The following KIF6 variants were observed in gnomAD, a reference collection of about 807,000 sequenced individuals.
KIF6 encodes the protein kinesin family member 6, also known as kinesin-like protein KIF6.
Under a neutral mutation model 112.7 loss-of-function variants are expected in KIF6, and 106 were observed. The observed-to-expected ratio is 0.94, with a 90% CI of 0.80 to 1.11. The LOEUF is 1.11. Ranked by LOEUF, KIF6 falls within the 50% of genes least tolerant of loss-of-function variation. The pLI is 0.00. For synonymous variants in KIF6, 339 were observed against 339.9 expected (o/e 1.00, Z 0.03); for missense variants, 929 against 964.0 (o/e 0.96, Z 0.48).
chr6:39,570,135 T>C (rs1780563880), intron 10 of KIF6, among the ~76,000 whole-genome samples: 1 of 152,220 alleles, frequency 6.6e-6, no homozygotes. Context: ...CTATATTTAG[T>C]CTTAAATTAT....
chr6:39,722,374 T>C (rs1219900249), intron 1 of KIF6, among the ~76,000 whole-genome samples: 3 of 152,234 alleles, frequency 2.0e-5, no homozygotes, highest in Non-Finnish European at 4.4e-5. Flanking sequence ...TAGTGTAATA[T>C]TGGCTTTCTA....
At chr6:39,461,059 T>C (rs905403461) in intron 13 of KIF6, among the ~76,000 whole-genome samples, 2 of 152,206 alleles carry the variant, frequency 1.3e-5, no homozygotes, top group Non-Finnish European at 2.9e-5. Context: ...TTTATGAAAG[T>C]AAGCACGCAT....
intron 5 of KIF6, among the ~76,000 whole-genome samples, chr6:39,619,481 A>G (rs543400078): frequency 6.6e-6 from 1 of 152,308 alleles, no homozygotes; most frequent in East Asian, 1.9e-4. Context: ...TAACCAATGG[A>G]TAAAGTCATT....
At chr6:39,553,013 T>C (rs1779472828) in intron 10 of KIF6, among the ~76,000 whole-genome samples, 1 of 152,212 alleles carries the variant, frequency 6.6e-6, no homozygotes, top group Admixed American at 6.5e-5. Context: ...GGTCATTAGT[T>C]TCATGTTTGC....
chr6:39,593,381 T>C (rs1561845423), intron 7 of KIF6, among the ~76,000 whole-genome samples: 2 of 152,200 alleles, frequency 1.3e-5, no homozygotes. Context: ...TTTTCTCTTC[T>C]TTCTGTGTGA....
intron 13 of KIF6, among the ~76,000 whole-genome samples, chr6:39,538,865 C>T (rs1386112077): frequency 6.7e-6 from 1 of 149,908 alleles, no homozygotes; most frequent in Non-Finnish European, 1.5e-5. Context: ...GGCACATATA[C>T]ACTATGGAAT....
In KIF6 at chr6:39,342,594, GTTTTTTATTT is replaced by G. The variant is rs67266170; in HGVS notation, c.2428+1105_2428+1114del. Among the ~76,000 whole-genome samples, 1,211 of 124,358 alleles carry G rather than the reference GTTTTTTATTT, an allele frequency of 9.7e-3. 38 individuals are homozygous for G. Among genetic ancestry groups the G allele is most frequent in the African/African-American group, 0.036 (832 of 22,860 alleles). 81.6% of individuals were successfully genotyped at this position (124,358 alleles called of 152,430 possible). ...GGGGACTTGGAGATCACTGAATCCAGTTTTTTATTTTTTTTTATTTTTTTTTATTTTTTTT... is the reference window on the plus strand; with the variant it reads ...GGGGACTTGGAGATCACTGAATCCAGTTTTTTATTTTTTTTTATTTTTTTT... On this transcript the variant is annotated intron_variant, in intron 22 of 22. Coordinates refer to ENST00000287152, the MANE Select transcript of KIF6 (RefSeq NM_145027.6). The surrounding 1 kb of genome is among the most constrained non-coding windows in gnomAD (Gnocchi z 4.7).
chr6:39,510,419 A>G lies in KIF6; in HGVS notation c.1645+29584T>C, dbSNP rs141918599. 3.5e-4 allele frequency among the ~76,000 whole-genome samples: 53 copies of G among 152,236 alleles called. No homozygotes were observed. The East Asian group carries it at 0.01, about 29-fold the overall frequency. On this transcript the variant is annotated intron_variant, in intron 13 of 22. Coordinates refer to ENST00000287152, the MANE Select transcript of KIF6 (RefSeq NM_145027.6). ...ACATTCTTAAAGCAAAGAATTTTCA[A>G]CCCAGAATTTCATATCCAGCCAAAC... is the stretch of plus-strand genomic sequence containing the variant.
intron 18 of KIF6, among the ~76,000 whole-genome samples, chr6:39,358,435 T>C (rs2150253527): frequency 6.6e-6 from 1 of 152,352 alleles, no homozygotes; most frequent in East Asian, 1.9e-4. Context: ...TGGTCCCTTT[T>C]GTTTCAGTGA....
chr6:39,604,843 A>G (rs967322414), intron 6 of KIF6, among the ~76,000 whole-genome samples: 2 of 152,038 alleles, frequency 1.3e-5, no homozygotes, highest in Admixed American at 1.3e-4. Context: ...TTACATCCTC[A>G]AAGATCTATT....
chr6:39,685,486 T>C (rs528455824), intron 3 of KIF6, among the ~76,000 whole-genome samples: 3 of 152,246 alleles, frequency 2.0e-5, no homozygotes, highest in East Asian at 3.9e-4. Context: ...AAGAACCAAA[T>C]TGGGAAACAG....
intron 16 of KIF6, among the ~76,000 whole-genome samples, chr6:39,380,356 G>C (rs983124670): frequency 6.6e-6 from 1 of 152,172 alleles, no homozygotes; most frequent in Non-Finnish European, 1.5e-5. Flanking sequence ...TGCTTCTTCA[G>C]CCTCCTTTTT....
At chr6:39,349,424 A>T (rs1764043122) in intron 19 of KIF6, among the ~76,000 whole-genome samples, 1 of 152,040 alleles carries the variant, frequency 6.6e-6, no homozygotes, top group South Asian at 2.1e-4. Flanking sequence ...GAGTATGACA[A>T]AGGGAATGAG....
chr6:39,513,473 T>C (rs930573955), intron 13 of KIF6, among the ~76,000 whole-genome samples: 3 of 152,196 alleles, frequency 2.0e-5, no homozygotes, highest in Non-Finnish European at 2.9e-5. Flanking sequence ...GAGAGGGTCT[T>C]AGTAGTATGG....
At chr6:39,486,649 C>A (rs1469547815) in intron 13 of KIF6, among the ~76,000 whole-genome samples, 2 of 152,222 alleles carry the variant, frequency 1.3e-5, no homozygotes, top group Non-Finnish European at 2.9e-5. Context: ...TTGCCGCAAA[C>A]TCTACATATG....
At chr6:39,525,512 T>C (rs1378418713) in intron 13 of KIF6, among the ~76,000 whole-genome samples, 5 of 152,170 alleles carry the variant, frequency 3.3e-5, no homozygotes, top group South Asian at 2.1e-4. Flanking sequence ...CCCAGCACTT[T>C]GGGAGGCTGA....
intron 13 of KIF6, among the ~76,000 whole-genome samples, chr6:39,501,915 G>A (rs183283528): frequency 1.4e-3 from 208 of 152,276 alleles, no homozygotes; most frequent in African/African-American, 4.9e-3. Flanking sequence ...GACACTTCAG[G>A]AAATCATCCA....
rs184513419 is a variant in KIF6 at position 39,495,567 on chromosome 6, A to T, written c.1645+44436T>A. Among the ~76,000 whole-genome samples the T allele has an allele frequency of 3.3e-5, 5 of 152,326 alleles. No individual in the cohort carries two copies. In the East Asian group the frequency reaches 9.6e-4, roughly 29 times the overall value. ...ATTGCAAAGAGCAGTGATTCTCTGG[A>T]AGGTTAAAGGTTTTACGCAAATAAA... On this transcript the variant is annotated intron_variant, in intron 13 of 22. Transcript: ENST00000287152.
At chr6:39,376,575 T>C (rs62402227) in intron 16 of KIF6, among the ~76,000 whole-genome samples, 11,424 of 152,308 alleles carry the variant, frequency 0.075, 481 homozygotes, top group South Asian at 0.14. Flanking sequence ...CACTCATTCA[T>C]TCAATAAACA....
Sources: allele counts gnomAD v4.1 joint callset (sites outside exome capture counted in the v4.1 genomes callset), GRCh38; gene constraint gnomAD v4.1.1; non-coding constraint Gnocchi (gnomAD v3.1); transcripts MANE v1.5; gene names NCBI Gene and HGNC (gene_info 2026-07-23, HGNC 2026-07-21).